TBKBP1: variants seen among roughly 807,000 people sequenced by gnomAD.
TBKBP1 encodes TBK1 binding protein 1, also known as TANK-binding kinase 1-binding protein 1.
Under a neutral mutation model 69.9 loss-of-function variants are expected in TBKBP1, and 47 were observed. The observed-to-expected ratio is 0.67, with a 90% CI of 0.53 to 0.86. The LOEUF is 0.86. TBKBP1 is among the 40% of genes least tolerant of loss of function. The probability of loss-of-function intolerance (pLI) is 0.00; values close to 1 mark genes in which losing one functional copy is unlikely to be tolerated. For synonymous variants in TBKBP1, 418 were observed against 390.3 expected (o/e 1.07, Z -0.84); for missense variants, 831 against 858.6 (o/e 0.97, Z 0.40).
chr17:47,704,597 C>T (rs1044795973), intron 7 of TBKBP1, among the ~76,000 whole-genome samples: 6 of 152,304 alleles, frequency 3.9e-5, no homozygotes, highest in Admixed American at 1.3e-4. Flanking sequence ...CTGAATCAGA[C>T]GATGATTCTG....
intron 1 of TBKBP1, chr17:47,695,421 C>T (rs1032784845): frequency 2.0e-5 from 3 of 152,438 alleles, no homozygotes; most frequent in Non-Finnish European, 4.4e-5. Context: ...GTCCCCTTCC[C>T]CAGTTTGCGC....
At chr17:47,697,602 G>A (rs2031301258) in intron 4 of TBKBP1, among the ~76,000 whole-genome samples, 1 of 152,124 alleles carries the variant, frequency 6.6e-6, no homozygotes, top group Non-Finnish European at 1.5e-5. Context: ...AGGAGTGTGT[G>A]ACTGCTAGGA....
chr17:47,708,911 C>T lies in TBKBP1; in HGVS notation c.1178C>T (p.Ser393Leu), dbSNP rs1323059852. Residue 393 changes from serine to leucine, a missense_variant, in exon 9 of 10, where the codon TCG (serine) becomes TTG (leucine). Coordinates refer to ENST00000578982, the MANE Select transcript of TBKBP1 (RefSeq NM_001394755.1). The surrounding 1 kb of genome is among the most constrained non-coding windows in gnomAD (Gnocchi z 4.4). ...RRSPASPSCP[S>L]PVPQRRSPVP... ...TCTCCGGCCTCACCCTCCTGCCCGT[C>T]GCCCGTCCCGCAGCGCCGCTCGCCG... The T allele has an allele frequency of 1.5e-6, 2 of 1,368,140 alleles. No homozygotes were observed. Among genetic ancestry groups the T allele is most frequent in the African/African-American group, 1.6e-5 (1 of 63,314 alleles). The allele number at this position is 1,368,140 out of a possible 1,614,324, so 84.8% of individuals were successfully genotyped here.
chr17:47,698,302 G>A (rs904856833), intron 4 of TBKBP1, among the ~76,000 whole-genome samples: 2 of 152,196 alleles, frequency 1.3e-5, no homozygotes, highest in Non-Finnish European at 2.9e-5. Context: ...GTATGCAAAT[G>A]GAAGTTCTGA....
chr17:47,702,978 G>A (rs2031563524), intron 7 of TBKBP1, among the ~76,000 whole-genome samples: 1 of 129,096 alleles, frequency 7.7e-6, no homozygotes, highest in Non-Finnish European at 1.7e-5. Context: ...GAGGGGGAGG[G>A]GAAATGCGGG....
At chr17:47,707,303 C>T (rs1357426428) in intron 7 of TBKBP1, among the ~76,000 whole-genome samples, 2 of 152,188 alleles carry the variant, frequency 1.3e-5, no homozygotes, top group Non-Finnish European at 2.9e-5. Flanking sequence ...TGATGACCTT[C>T]CATGGTTCTG....
chr17:47,695,989 C>T (rs1457855068), intron 1 of TBKBP1, 90 bp from the exon 2 acceptor site: 14 of 729,876 alleles, frequency 1.9e-5, no homozygotes, highest in Non-Finnish European at 3.1e-5. Flanking sequence ...GCATCTTAGC[C>T]GGCCCCAGGG....
At chr17:47,698,133 A>G (rs767322396) in intron 4 of TBKBP1, among the ~76,000 whole-genome samples, 14 of 151,964 alleles carry the variant, frequency 9.2e-5, no homozygotes, top group Non-Finnish European at 2.1e-4. Flanking sequence ...CTTCATAATC[A>G]TAGATATTTA....
rs931043565 is a variant in TBKBP1 at position 47,709,329 on chromosome 17, G to T, written c.1596G>T (p.Pro532=). Residue 532 remains proline, a synonymous_variant, in exon 9 of 10, where the codon CCG becomes CCT. Transcript: ENST00000578982. ...EEDEWAVPTS[P]PSPEVGTIRC... ...ACGAGTGGGCTGTGCCCACCAGCCCGCCCAGCCCGGAGGTGGGCACCATCC... is the reference window on the plus strand; with the variant it reads ...ACGAGTGGGCTGTGCCCACCAGCCCTCCCAGCCCGGAGGTGGGCACCATCC... 2 of 1,525,664 alleles carry T rather than the reference G, an allele frequency of 1.3e-6. No homozygotes were observed. Among genetic ancestry groups the T allele is most frequent in the Non-Finnish European group, 1.8e-6 (2 of 1,142,424 alleles). The allele number at this position is 1,525,664 out of a possible 1,614,324, so 94.5% of individuals were successfully genotyped here. A position where few individuals can be genotyped will look rare whatever the true frequency, so the allele number is the denominator to read the frequency against.
Position 47,699,587 on chromosome 17 carries a change from C to A in TBKBP1, c.811-49C>A, listed in dbSNP as rs190211223. 17 of 1,613,880 alleles carry A rather than the reference C, an allele frequency of 1.1e-5. No homozygotes were observed. In the Admixed American group the frequency reaches 2.8e-4, roughly 27 times the overall value. ...TGGCCCAGGGAACTGTAGACAAGGG[C>A]CCTGGCAGGGGTGAGCTTGGGCTCT... On this transcript the variant is annotated intron_variant, in intron 6 of 9. Coordinates refer to ENST00000578982, the MANE Select transcript of TBKBP1 (RefSeq NM_001394755.1).
chr17:47,695,039 A>G (rs2031165623), intron 1 of TBKBP1, among the ~76,000 whole-genome samples: 1 of 151,872 alleles, frequency 6.6e-6, no homozygotes, highest in African/African-American at 2.4e-5. Flanking sequence ...GCGCGCACAC[A>G]CCTCGGACAG....
rs1291596430 is a variant in TBKBP1, at chr17:47,696,786, G to A, written c.301G>A (p.Val101Met). Residue 101 changes from valine (V) to methionine (M), a missense_variant, in exon 3 of 10, where the codon GTG becomes ATG. Coordinates refer to ENST00000578982, the MANE Select transcript of TBKBP1 (RefSeq NM_001394755.1). ...YEIKDGSLLE[V>M]EKVSLQQRLN... ...AATCAAGGATGGCTCCCTGCTGGAGGTGGAGAAGGTCAGCCTGCAGCAACG... is the reference window on the plus strand; with the variant it reads ...AATCAAGGATGGCTCCCTGCTGGAGATGGAGAAGGTCAGCCTGCAGCAACG... 6.2e-7 allele frequency: 1 copy of A among 1,613,954 alleles called. No individual in the cohort carries two copies. The highest frequency in any genetic ancestry group is 2.2e-5 in the East Asian group (1 of 44,886).
chr17:47,700,821 G>A (rs1317722796), intron 7 of TBKBP1, among the ~76,000 whole-genome samples: 1 of 152,122 alleles, frequency 6.6e-6, no homozygotes, highest in Non-Finnish European at 1.5e-5. Context: ...GCCCAGTGCT[G>A]GGGCCTCCAG....
Position 47,708,542 on chromosome 17 carries a change from C to CCG in TBKBP1, c.991+33_991+34dup, listed in dbSNP as rs2031779401. ...GATGGGGCAGGGCAGGGGGAGGCAGCCGCGGGACCCGGGAAGGAGCGGGTA... is the reference window on the plus strand; with the variant it reads ...GATGGGGCAGGGCAGGGGGAGGCAGCCGCGCGGGACCCGGGAAGGAGCGGGTA... On this transcript the variant is annotated intron_variant, in intron 8 of 9. Coordinates refer to ENST00000578982, the MANE Select transcript of TBKBP1 (RefSeq NM_001394755.1). The surrounding 1 kb of genome is among the most constrained non-coding windows in gnomAD (Gnocchi z 4.4). 3 of 1,607,162 alleles carry CCG rather than the reference C, an allele frequency of 1.9e-6. No individual in the cohort carries two copies. Among genetic ancestry groups the CCG allele is most frequent in the Non-Finnish European group, 2.6e-6 (3 of 1,175,064 alleles).
At chr17:47,694,895 G>GA in intron 1 of TBKBP1, among the ~76,000 whole-genome samples, 1 of 150,840 alleles carries the variant, frequency 6.6e-6, no homozygotes, top group Middle Eastern at 3.4e-3. Flanking sequence ...CGGAGGGGGG[G>GA]GGGTGGATTG....
intron 4 of TBKBP1, among the ~76,000 whole-genome samples, chr17:47,697,686 G>T (rs1597955569): frequency 2.0e-5 from 3 of 152,244 alleles, no homozygotes; most frequent in African/African-American, 7.2e-5. Context: ...CAAGAGACAG[G>T]CCAGGTATGG....
intron 1 of TBKBP1, chr17:47,695,830 A>G (rs1597952744): frequency 2.8e-6 from 1 of 356,420 alleles, no homozygotes; most frequent in East Asian, 4.3e-5. Flanking sequence ...GGCCTGGCTT[A>G]CTTGTCCCTA....
At chr17:47,695,977 T>C (rs2031213915) in intron 1 of TBKBP1, 102 bp from the exon 2 acceptor site, 1 of 660,694 alleles carries the variant, frequency 1.5e-6, no homozygotes, top group Non-Finnish European at 2.5e-6. Flanking sequence ...AGTTTCTGGG[T>C]TGCATCTTAG....
intron 7 of TBKBP1, among the ~76,000 whole-genome samples, chr17:47,704,624 T>A (rs2031635517): frequency 6.6e-6 from 1 of 152,202 alleles, no homozygotes. Flanking sequence ...TGGACAGCTC[T>A]AAACCTAACC....
Sources: gnomAD v4.1 joint callset for allele counts (sites outside exome capture counted in the v4.1 genomes callset) on GRCh38, gnomAD v4.1.1 for gene constraint, Gnocchi (gnomAD v3.1) non-coding constraint, MANE v1.5 for transcripts, NCBI Gene and HGNC (gene_info 2026-07-23, HGNC 2026-07-21) for gene names.